POLH: variants seen among roughly 807,000 people sequenced by gnomAD.
POLH encodes DNA polymerase eta.
A neutral mutation model predicts 73.6 loss-of-function variants in POLH; 53 were observed. That is an observed-to-expected ratio of 0.72 (90% CI 0.58 to 0.91). The LOEUF (loss-of-function observed/expected upper bound fraction) is 0.91, where lower values mean the gene tolerates loss of function less well. Among genes scored for constraint, POLH ranks in the 40% least tolerant of loss-of-function variants. The pLI is 0.00. For synonymous variants in POLH, 292 were observed against 308.5 expected (o/e 0.95, Z 0.56); for missense variants, 768 against 865.4 (o/e 0.89, Z 1.41).
chr6:43,582,251 TAC>T, intron 1 of POLH, 63 bp from the exon 2 acceptor site: 1 of 1,457,154 alleles, frequency 6.9e-7, no homozygotes, highest in Non-Finnish European at 9.6e-7. Flanking sequence ...AGAATGGAAT[TAC>T]AGTTTTCCCT....
In POLH at chr6:43,614,787, T is replaced by G; in HGVS notation, c.*230T>G. The G allele has an allele frequency of 2.0e-6, 1 of 510,926 alleles. No homozygotes were observed. Among genetic ancestry groups the G allele is most frequent in the Admixed American group, 3.5e-5 (1 of 28,398 alleles). 31.6% of individuals were successfully genotyped at this position (510,926 alleles called of 1,614,324 possible). ...TCATCCTACCAGAGTTTTTAATCTT[T>G]AGCATTTAGGGAGGCAGTGTCATAA... On this transcript the variant is annotated 3_prime_UTR_variant, in exon 11 of 11. Transcript: ENST00000372236.
chr6:43,613,971 C>G lies in POLH; in HGVS notation c.1556C>G (p.Pro519Arg). Residue 519 changes from proline (P) to arginine (R), a missense_variant, in exon 11 of 11, where the codon CCT becomes CGT. Physicochemically the swap from Pro to Arg is moderately radical, Grantham distance 103 (BLOSUM62 -2). Transcript: ENST00000372236. ...AATTCACCATCCAAGCCCTCATTAC[C>G]TTTTCAAACCAGTCAAAGTACAGGA... Reference protein sequence around the residue: ...MSNSPSKPSLPFQTSQSTGTE... With the variant: ...MSNSPSKPSLRFQTSQSTGTE... The G allele has an allele frequency of 6.2e-7, 1 of 1,614,060 alleles. No individual in the cohort carries two copies. The highest frequency in any genetic ancestry group is 8.5e-7 in the Non-Finnish European group (1 of 1,180,040).
chr6:43,581,650 C>A (rs1303838613), intron 1 of POLH, among the ~76,000 whole-genome samples: 1 of 127,046 alleles, frequency 7.9e-6, no homozygotes, highest in Non-Finnish European at 1.6e-5. Flanking sequence ...CTCTGCTGCC[C>A]GCTGAACTCC....
At chr6:43,577,519 T>C (rs1763502849) in intron 1 of POLH, among the ~76,000 whole-genome samples, 1 of 152,258 alleles carries the variant, frequency 6.6e-6, no homozygotes, top group African/African-American at 2.4e-5. Flanking sequence ...TTAGGCGTGG[T>C]CGATTGGAAT....
intron 9 of POLH, among the ~76,000 whole-genome samples, chr6:43,607,111 T>C (rs1178128874): frequency 1.3e-5 from 2 of 152,262 alleles, no homozygotes; most frequent in African/African-American, 2.4e-5. Flanking sequence ...GTTTTTGTTT[T>C]TTGAGACGGA....
At chr6:43,576,584 C>T (rs1763366397) in intron 1 of POLH, 144 bp downstream of exon 1, 1 of 152,142 alleles carries the variant, frequency 6.6e-6, no homozygotes, top group Admixed American at 6.5e-5. Context: ...CTGGTACTGT[C>T]TTCTAAGATT....
rs112706817 is a variant in POLH, at chr6:43,612,346, C to CTT, written c.1245-1298_1245-1297dup. Among the ~76,000 whole-genome samples the CTT allele has an allele frequency of 7.8e-3, 1,072 of 137,400 alleles. 17 individuals carry two copies. Among genetic ancestry groups the CTT allele is most frequent in the African/African-American group, 0.027 (1,002 of 36,948 alleles). The allele number at this position is 137,400 out of a possible 152,430, so 90.1% of individuals were successfully genotyped here. A position where few individuals can be genotyped will look rare whatever the true frequency, so the allele number is the denominator to read the frequency against. On this transcript the variant is annotated intron_variant, in intron 10 of 10. Transcript: ENST00000372236. ...CATGAAACCTGAGGATATTGGGATA[C>CTT]TTTTTTTTTTTTTTTTTGAGACGGA... is the stretch of plus-strand genomic sequence containing the variant.
chr6:43,601,017 C>G lies in POLH; in HGVS notation c.690C>G (p.Asn230Lys), dbSNP rs1408310605. The change falls in exon 6 of 11, where the codon AAC becomes AAG. Residue 230 changes from asparagine (N) to lysine (K), a missense_variant. By Grantham distance (94) the Asn-to-Lys change is moderately conservative. Transcript: ENST00000372236. ...KVLAKLACGLNKPNRQTLVSH... is the reference protein window; with the variant it reads ...KVLAKLACGLKKPNRQTLVSH... ...TGGCAAAACTGGCCTGTGGACTAAA[C>G]AAGCCCAACCGCCAAACCCTGGTTT... The G allele has an allele frequency of 6.2e-7, 1 of 1,613,984 alleles. No homozygotes were observed. Among genetic ancestry groups the G allele is most frequent in the Non-Finnish European group, 8.5e-7 (1 of 1,179,976 alleles).
chr6:43,617,046 C>T lies in POLH; in HGVS notation c.*2489C>T, dbSNP rs6922830. On this transcript the variant is annotated 3_prime_UTR_variant, in exon 11 of 11. Coordinates refer to ENST00000372236, the MANE Select transcript of POLH (RefSeq NM_006502.3). ...ATCTACTAAAAATACAAAAATTAGC[C>T]GGGCATGGTGGTGGGTGCGTGTAAT... Among the ~76,000 whole-genome samples the T allele has an allele frequency of 0.12, 18,009 of 152,006 alleles. 2,399 individuals are homozygous for T. The highest frequency in any genetic ancestry group is 0.33 in the African/African-American group (13,587 of 41,416).
At chr6:43,598,470 T>C (rs1223387354) in intron 5 of POLH, among the ~76,000 whole-genome samples, 1 of 143,376 alleles carries the variant, frequency 7.0e-6, no homozygotes, top group Non-Finnish European at 1.5e-5. Flanking sequence ...CTACTAAAAA[T>C]ACAAAAAAAA....
rs1232444850 is a variant in POLH at position 43,614,561 on chromosome 6, T to C, written c.*4T>C. On this transcript the variant is annotated 3_prime_UTR_variant, in exon 11 of 11. Coordinates refer to ENST00000372236, the MANE Select transcript of POLH (RefSeq NM_006502.3). ...TTTTAAGCCATTAACACATTAGTGCTGCCCTCAGGCTTGCCTGTAGGATTT... is the reference window on the plus strand; with the variant it reads ...TTTTAAGCCATTAACACATTAGTGCCGCCCTCAGGCTTGCCTGTAGGATTT... The C allele has an allele frequency of 8.1e-6, 13 of 1,611,324 alleles. No homozygotes were observed. Among genetic ancestry groups the C allele is most frequent in the Non-Finnish European group, 1.1e-5 (13 of 1,178,234 alleles).
intron 5 of POLH, 29 bp from the exon 6 acceptor site, chr6:43,600,959 T>C (rs1303445261): frequency 7.1e-7 from 1 of 1,415,652 alleles, no homozygotes; most frequent in Admixed American, 1.7e-5. Context: ...TTGACAGTAA[T>C]GAGGTTTTTA....
chr6:43,610,958 G>A (rs1441580187), intron 10 of POLH, among the ~76,000 whole-genome samples: 1 of 152,148 alleles, frequency 6.6e-6, no homozygotes. Flanking sequence ...CGGGCGCAGT[G>A]GCTCACGCCT....
chr6:43,578,405 C>G (rs1469677602), intron 1 of POLH: 4 of 436,924 alleles, frequency 9.2e-6, no homozygotes, highest in Non-Finnish European at 1.8e-5. Flanking sequence ...ACAACAACAA[C>G]AAAAAACTCA....
chr6:43,603,936 T>C lies in POLH; in HGVS notation c.809T>C (p.Leu270Pro). The C allele has an allele frequency of 1.2e-6, 2 of 1,612,898 alleles. No individual in the cohort carries two copies. The highest frequency in any genetic ancestry group is 8.5e-7 in the Non-Finnish European group (1 of 1,178,882). Residue 270 changes from leucine to proline, a missense_variant, in exon 7 of 11, where the codon CTA becomes CCA. Leu to Pro is a moderately conservative substitution (Grantham distance 98, BLOSUM62 -3). Coordinates refer to ENST00000372236, the MANE Select transcript of POLH (RefSeq NM_006502.3). Reference protein sequence around the residue: ...GKLGASVIEILGIEYMGELTQ... With the variant: ...GKLGASVIEIPGIEYMGELTQ... ...CTAGGGGCCTCTGTCATTGAGATCC[T>C]AGGGATAGAATACATGGGTGAACTG...
In POLH at chr6:43,614,167, AGAAGAATC is replaced by A; in HGVS notation, c.1753_1760del (p.Glu585LeufsTer2). On this transcript the variant is annotated frameshift_variant, in exon 11 of 11. Coordinates refer to ENST00000372236, the MANE Select transcript of POLH (RefSeq NM_006502.3). LOFTEE classifies it high-confidence loss of function. ...CTGTTTGTGAAGGGGTGTCGAAGCTAGAAGAATCCTCTAAAGCAACTCCTGCAGAGATG... is the reference window on the plus strand; with the variant it reads ...CTGTTTGTGAAGGGGTGTCGAAGCTACTCTAAAGCAACTCCTGCAGAGATG... 1 of 1,614,224 alleles carries A rather than the reference AGAAGAATC, an allele frequency of 6.2e-7. No individual in the cohort carries two copies.
chr6:43,614,446 A>T lies in POLH; in HGVS notation c.2031A>T (p.Val677=), dbSNP rs746206386. 37 of 1,614,074 alleles carry T rather than the reference A, an allele frequency of 2.3e-5. No homozygotes were observed. Among genetic ancestry groups the T allele is most frequent in the African/African-American group, 6.7e-5 (5 of 74,936 alleles). ...HSSNPQVVSA[V]SHQGKRNPKS... is the part of the protein sequence containing the mutation. ...CAAACCCCCAGGTTGTTTCTGCCGTATCTCATCAAGGCAAAAGAAATCCCA... is the reference window on the plus strand; with the variant it reads ...CAAACCCCCAGGTTGTTTCTGCCGTTTCTCATCAAGGCAAAAGAAATCCCA... Residue 677 remains valine, a synonymous_variant, in exon 11 of 11, where the codon GTA becomes GTT. Coordinates refer to ENST00000372236, the MANE Select transcript of POLH (RefSeq NM_006502.3).
intron 4 of POLH, among the ~76,000 whole-genome samples, chr6:43,593,610 AGTGGCTCAC>A (rs9333526): frequency 4.6e-4 from 70 of 152,344 alleles, no homozygotes; most frequent in African/African-American, 1.5e-3. Flanking sequence ...GGCTGGGCAC[AGTGGCTCAC>A]GCCTGTAATC....
At chr6:43,585,637 C>CTTTTTTTTTTTTTTTTTTTTTTTTT (rs1208848737) in intron 3 of POLH, among the ~76,000 whole-genome samples, 1 of 107,410 alleles carries the variant, frequency 9.3e-6, no homozygotes, top group African/African-American at 5.4e-5. Context: ...TCTTTCTTTT[C>CTTTTTTTTTTTTTTTTTTTTTTTTT]TTTTTTTTTT....
Sources: allele counts gnomAD v4.1 joint callset (sites outside exome capture counted in the v4.1 genomes callset), GRCh38; gene constraint gnomAD v4.1.1; transcripts MANE v1.5; gene names NCBI Gene and HGNC (gene_info 2026-07-23, HGNC 2026-07-21).